Variants in SSH2 observed in about 807,000 individuals in gnomAD.
SSH2 encodes protein phosphatase Slingshot homolog 2.
A neutral mutation model predicts 135.2 loss-of-function variants in SSH2; 37 were observed. That is an observed-to-expected ratio of 0.27 (90% CI 0.21 to 0.36). The LOEUF is 0.36. Ranked by LOEUF, SSH2 falls within the 10% of genes least tolerant of loss-of-function variation. SSH2 has a pLI of 1.00. For missense variants in SSH2, 1,408 were observed against 1,765.3 expected (o/e 0.80, Z 3.63); for synonymous variants, 628 against 646.2 (o/e 0.97, Z 0.43).
At chr17:29,700,862 T>G (rs1273254075) in intron 4 of SSH2, among the ~76,000 whole-genome samples, 1 of 152,198 alleles carries the variant, frequency 6.6e-6, no homozygotes, top group African/African-American at 2.4e-5. Flanking sequence ...CAATCTCAGC[T>G]CACTGCAACC....
intron 4 of SSH2, among the ~76,000 whole-genome samples, chr17:29,702,307 T>G (rs1276106150): frequency 4.1e-5 from 6 of 147,894 alleles, no homozygotes; most frequent in Non-Finnish European, 9.0e-5. Flanking sequence ...GAGCTGAGAT[T>G]ATGCCATTGC....
intron 2 of SSH2, among the ~76,000 whole-genome samples, chr17:29,817,133 C>T (rs1322033884): frequency 6.6e-6 from 1 of 152,166 alleles, no homozygotes; most frequent in Non-Finnish European, 1.5e-5. Context: ...TGAAAATCAG[C>T]ATCATGCATT....
intron 5 of SSH2, among the ~76,000 whole-genome samples, chr17:29,689,308 T>C (rs1343419186): frequency 1.3e-5 from 2 of 152,244 alleles, no homozygotes; most frequent in Non-Finnish European, 2.9e-5. Context: ...AAGCAAAATC[T>C]AATAATTTAT....
intron 3 of SSH2, among the ~76,000 whole-genome samples, chr17:29,791,521 C>T (rs745719715): frequency 6.6e-5 from 10 of 152,176 alleles, no homozygotes; most frequent in Non-Finnish European, 1.5e-4. Flanking sequence ...TGAGTTCAGG[C>T]ATGCTTAATG....
At chr17:29,872,488 C>T (rs2151422326) in intron 1 of SSH2, among the ~76,000 whole-genome samples, 1 of 152,326 alleles carries the variant, frequency 6.6e-6, no homozygotes, top group East Asian at 1.9e-4. Flanking sequence ...GGCATGGTGG[C>T]TTACGCCTAT....
At chr17:29,866,305 T>C (rs776128568) in intron 1 of SSH2, among the ~76,000 whole-genome samples, 9 of 151,558 alleles carry the variant, frequency 5.9e-5, no homozygotes, top group Non-Finnish European at 1.0e-4. Context: ...TAGCAACTGA[T>C]AGCAAAACTA....
rs779769676 is a variant in SSH2 at position 29,923,987 on chromosome 17, C to T, written c.63+5951G>A. Among the ~76,000 whole-genome samples, 8 of 152,276 alleles carry T rather than the reference C, an allele frequency of 5.3e-5. No individual in the cohort carries two copies. The South Asian group carries it at 8.3e-4, about 16-fold the overall frequency. Reference sequence around the variant, plus strand: ...TATGGCAATACATCTGTGATAGACACCAAACTTCTAAAAAAACAAAGATAT... The same window carrying T: ...TATGGCAATACATCTGTGATAGACATCAAACTTCTAAAAAAACAAAGATAT... On this transcript the variant is annotated intron_variant, in intron 1 of 15. Transcript: ENST00000540801.
chr17:29,849,337 G>A (rs1242582170), intron 1 of SSH2, among the ~76,000 whole-genome samples: 1 of 152,038 alleles, frequency 6.6e-6, no homozygotes, highest in African/African-American at 2.4e-5. Context: ...AAATTAGCCG[G>A]GTGTGGTGGC....
chr17:29,783,312 C>CAT (rs1405605130), intron 3 of SSH2, among the ~76,000 whole-genome samples: 2 of 118,112 alleles, frequency 1.7e-5, no homozygotes, highest in Non-Finnish European at 3.5e-5. Context: ...AGTTATATAA[C>CAT]ATATATTATA....
chr17:29,658,018 T>C (rs2036864047), intron 11 of SSH2, among the ~76,000 whole-genome samples: 1 of 151,458 alleles, frequency 6.6e-6, no homozygotes, highest in African/African-American at 2.4e-5. Context: ...TTTTTTTTTT[T>C]TTTGAGACAG....
chr17:29,721,742 G>A (rs1386674493), intron 3 of SSH2, among the ~76,000 whole-genome samples: 1 of 152,056 alleles, frequency 6.6e-6, no homozygotes, highest in African/African-American at 2.4e-5. Flanking sequence ...AACAAGAAAG[G>A]GAAAATGATG....
chr17:29,908,398 C>G (rs910563416), intron 1 of SSH2, among the ~76,000 whole-genome samples: 3 of 152,058 alleles, frequency 2.0e-5, no homozygotes, highest in Non-Finnish European at 2.9e-5. Flanking sequence ...ATCAAGGCTG[C>G]GGTATACAGT....
chr17:29,731,960 A>T (rs1467076532), intron 3 of SSH2, among the ~76,000 whole-genome samples: 2 of 152,176 alleles, frequency 1.3e-5, no homozygotes, highest in East Asian at 1.9e-4. Context: ...TCAATTAAAA[A>T]AGAAAGGGAT....
rs148421776 is a variant in SSH2 at position 29,919,229 on chromosome 17, AG to A, written c.63+10708del. The stretch of plus-strand genomic sequence containing the variant: ...AATAAATATGTCTCAGACACAAAAA[AG>A]GTACTAAATAAGTTTTTCAGAAAAT... On this transcript the variant is annotated intron_variant, in intron 1 of 15. Coordinates refer to ENST00000540801, the MANE Select transcript of SSH2 (RefSeq NM_001282129.2). 6.5e-3 allele frequency among the ~76,000 whole-genome samples: 997 copies of A among 152,318 alleles called. 6 individuals carry two copies. The highest frequency in any genetic ancestry group is 0.023 in the African/African-American group (956 of 41,576).
chr17:29,859,872 G>A (rs547613996), intron 1 of SSH2, among the ~76,000 whole-genome samples: 28 of 152,126 alleles, frequency 1.8e-4, no homozygotes, highest in African/African-American at 6.7e-4. Context: ...TTGAGATGGA[G>A]TTTCGCTCTT....
chr17:29,800,421 G>A (rs1169641753), intron 2 of SSH2, among the ~76,000 whole-genome samples: 1 of 152,112 alleles, frequency 6.6e-6, no homozygotes, highest in African/African-American at 2.4e-5. Flanking sequence ...GCTGAAGGTG[G>A]AATGCTTACC....
chr17:29,885,870 T>C (rs546098327), intron 1 of SSH2, among the ~76,000 whole-genome samples: 2 of 152,308 alleles, frequency 1.3e-5, no homozygotes, highest in East Asian at 3.9e-4. Flanking sequence ...TTCCTTATTC[T>C]TCCACCATGA....
intron 3 of SSH2, among the ~76,000 whole-genome samples, chr17:29,756,295 T>C (rs944059753): frequency 3.3e-5 from 5 of 149,610 alleles, no homozygotes; most frequent in African/African-American, 1.2e-4. Flanking sequence ...GGGAGATAGA[T>C]AGTCTCCCTC....
intron 3 of SSH2, among the ~76,000 whole-genome samples, chr17:29,786,684 G>T (rs1216742346): frequency 6.6e-6 from 1 of 152,130 alleles, no homozygotes; most frequent in Non-Finnish European, 1.5e-5. Context: ...AGCCATGGTG[G>T]CTCACACTTG....
Sources: allele counts gnomAD v4.1 joint callset (sites outside exome capture counted in the v4.1 genomes callset), GRCh38; gene constraint gnomAD v4.1.1; transcripts MANE v1.5; gene names NCBI Gene and HGNC (gene_info 2026-07-23, HGNC 2026-07-21).